Variants in VPS13D observed in about 807,000 individuals in gnomAD.
VPS13D encodes the protein vacuolar protein sorting 13 homolog D, also known as intermembrane lipid transfer protein VPS13D.
In VPS13D, 187 loss-of-function variants were observed where a neutral mutation model predicts 461.9. The observed-to-expected ratio is 0.40, with a 90% CI of 0.36 to 0.46. The LOEUF is 0.46. Ranked by LOEUF, VPS13D falls within the 20% of genes least tolerant of loss-of-function variation. The pLI, the probability that VPS13D is intolerant of heterozygous loss-of-function variation, is 0.60. For synonymous variants in VPS13D, 1,951 were observed against 1,986.3 expected, an observed-to-expected ratio of 0.98 and a Z score of 0.47; for missense variants, 4,711 against 5,364.9, an observed-to-expected ratio of 0.88 and a Z score of 3.81.
chr1:12,266,832 A>G (rs1557673912), intron 13 of VPS13D, 49 bp from the exon 14 acceptor site: 2 of 1,410,306 alleles, frequency 1.4e-6, no homozygotes, highest in East Asian at 2.5e-5. Context: ...TCAAAAACAC[A>G]TTAGGCTCTC....
At chr1:12,324,869 G>A (rs554315080) in intron 35 of VPS13D, among the ~76,000 whole-genome samples, 13 of 152,276 alleles carry the variant, frequency 8.5e-5, no homozygotes, top group African/African-American at 3.1e-4. Flanking sequence ...ATTCCCACTT[G>A]AAATGAGGAA....
In VPS13D at chr1:12,416,671, C is replaced by T. The variant is rs1419103600; in HGVS notation, c.12177C>T (p.Ser4059=). The T allele has an allele frequency of 6.2e-7, 1 of 1,613,294 alleles. No homozygotes were observed. The highest frequency in any genetic ancestry group is 1.3e-5 in the African/African-American group (1 of 74,882). ...GTTCCATTTGGCAGGAACTCCTCAG[C>T]CAGGCAGCTCGAATCCTGGGATCAG... ...ILKHFQEELL[S]QAARILGSVD... Residue 4059 remains serine, a synonymous_variant, in exon 65 of 70, where the codon AGC becomes AGT. Transcript: ENST00000620676.
intron 65 of VPS13D, among the ~76,000 whole-genome samples, chr1:12,439,111 A>G (rs1218285423): frequency 6.6e-6 from 1 of 152,098 alleles, no homozygotes; most frequent in Non-Finnish European, 1.5e-5. Flanking sequence ...AACATAACAG[A>G]TTTGGTCACC....
chr1:12,332,860 A>G (rs1643364698), intron 37 of VPS13D, among the ~76,000 whole-genome samples: 1 of 152,234 alleles, frequency 6.6e-6, no homozygotes. Flanking sequence ...TTTAATAGCT[A>G]TTTAAGACAC....
At chr1:12,484,849 A>G (rs971981957) in intron 67 of VPS13D, among the ~76,000 whole-genome samples, 24 of 151,586 alleles carry the variant, frequency 1.6e-4, no homozygotes, top group African/African-American at 5.3e-4. Context: ...TTTTTCTAAT[A>G]TGGAGCCTCA....
At chr1:12,354,895 A>T (rs959503547) in intron 47 of VPS13D, among the ~76,000 whole-genome samples, 1 of 152,234 alleles carries the variant, frequency 6.6e-6, no homozygotes, top group Non-Finnish European at 1.5e-5. Context: ...TAAAAGGAAA[A>T]GTTCAGCCAA....
intron 2 of VPS13D, among the ~76,000 whole-genome samples, chr1:12,241,423 G>T (rs531773356): frequency 6.6e-6 from 1 of 152,216 alleles, no homozygotes; most frequent in African/African-American, 2.4e-5. Flanking sequence ...ACAGATTTAG[G>T]TTGCTCAAAA....
Position 12,260,060 on chromosome 1 carries a change from C to G in VPS13D, c.1111-633C>G, listed in dbSNP as rs1002463469. Among the ~76,000 whole-genome samples, 7 of 114,168 alleles carry G rather than the reference C, an allele frequency of 6.1e-5. No individual in the cohort carries two copies. In the Admixed American group the frequency reaches 8.2e-4, roughly 13 times the overall value. 74.9% of individuals were successfully genotyped at this position (114,168 alleles called of 152,430 possible). On this transcript the variant is annotated intron_variant, in intron 10 of 69. Coordinates refer to ENST00000620676, the MANE Select transcript of VPS13D (RefSeq NM_015378.4). ...TTTTTTTTTGAGATGGAGTCTTGCT[C>G]TGTTGCCCAGGCTGGAGTGCAGTGG...
Position 12,363,136 on chromosome 1 carries a change from C to A in VPS13D, c.10337C>A (p.Pro3446His). Residue 3446 changes from proline (P) to histidine (H), a missense_variant, in exon 52 of 70, where the codon CCT (proline) becomes CAT (histidine). Transcript: ENST00000620676. ...LPGSSVVFHW[P>H]RNDYDQLLCV... Reference sequence around the variant, plus strand: ...GGTTCCAGTGTGGTGTTCCACTGGCCTCGGAATGACTATGATCAGCTATTG... The same window carrying A: ...GGTTCCAGTGTGGTGTTCCACTGGCATCGGAATGACTATGATCAGCTATTG... The A allele has an allele frequency of 6.2e-7, 1 of 1,614,170 alleles. No individual in the cohort carries two copies.
At chr1:12,237,900 A>G (rs929795742) in intron 2 of VPS13D, among the ~76,000 whole-genome samples, 16 of 152,134 alleles carry the variant, frequency 1.1e-4, no homozygotes, top group Non-Finnish European at 2.4e-4. Context: ...TTACGCCTGT[A>G]ATTCCAGCAC....
chr1:12,365,254 A>G (rs1172887905), intron 52 of VPS13D, among the ~76,000 whole-genome samples: 2 of 152,236 alleles, frequency 1.3e-5, no homozygotes, highest in Non-Finnish European at 2.9e-5. Context: ...CCTTAGATCC[A>G]TATGAATTTC....
At chr1:12,295,740 C>A (rs1642258713) in intron 24 of VPS13D, among the ~76,000 whole-genome samples, 1 of 152,078 alleles carries the variant, frequency 6.6e-6, no homozygotes, top group Non-Finnish European at 1.5e-5. Context: ...ATAAGATGAA[C>A]ATCTGTGAAC....
Position 12,242,152 on chromosome 1 carries a change from C to T in VPS13D, c.98-361C>T, listed in dbSNP as rs75490576. Among the ~76,000 whole-genome samples, 207 of 152,196 alleles carry T rather than the reference C, an allele frequency of 1.4e-3. 1 individual carries two copies. Among genetic ancestry groups the T allele is most frequent in the African/African-American group, 4.9e-3 (203 of 41,528 alleles). Reference sequence around the variant, plus strand: ...ATCTGTCCTGTTATGGAAAATGTAACTCTTGGTCTGAACTCTTCATCAGCG... The same window carrying T: ...ATCTGTCCTGTTATGGAAAATGTAATTCTTGGTCTGAACTCTTCATCAGCG... On this transcript the variant is annotated intron_variant, in intron 2 of 69. Transcript: ENST00000620676.
rs75326708 is a variant in VPS13D, at chr1:12,318,614, T to C, written c.7414+277T>C. On this transcript the variant is annotated intron_variant, in intron 31 of 69. Transcript: ENST00000620676. Reference sequence around the variant, plus strand: ...CCGCCTGGGCAGTGGTCTTTTTTTTTCCAGTGTACAGTCTGTCTGTAATTT... The same window carrying C: ...CCGCCTGGGCAGTGGTCTTTTTTTTCCCAGTGTACAGTCTGTCTGTAATTT... Among the ~76,000 whole-genome samples the C allele has an allele frequency of 5.4e-3, 820 of 152,262 alleles. 8 individuals are homozygous for C. The highest frequency in any genetic ancestry group is 0.018 in the African/African-American group (744 of 41,520).
At chr1:12,479,815 A>G (rs1467788142) in intron 67 of VPS13D, among the ~76,000 whole-genome samples, 4 of 152,216 alleles carry the variant, frequency 2.6e-5, no homozygotes, top group Non-Finnish European at 5.9e-5. Flanking sequence ...CCTATAGCCC[A>G]GAAGATTTGT....
intron 26 of VPS13D, among the ~76,000 whole-genome samples, chr1:12,308,172 A>G (rs1417159110): frequency 1.3e-5 from 2 of 152,068 alleles, no homozygotes; most frequent in African/African-American, 4.8e-5. Context: ...GACACCGTAG[A>G]ACTGTGACGC....
intron 67 of VPS13D, among the ~76,000 whole-genome samples, chr1:12,471,318 A>G (rs1179670368): frequency 1.3e-5 from 2 of 152,230 alleles, no homozygotes; most frequent in South Asian, 2.1e-4. Context: ...GAAGAAGAAC[A>G]GTGTTTAAAA....
chr1:12,340,268 T>C (rs1476624126), intron 40 of VPS13D, among the ~76,000 whole-genome samples: 2 of 152,194 alleles, frequency 1.3e-5, no homozygotes, highest in Admixed American at 1.3e-4. Context: ...AGATTATCTT[T>C]AGATGTATTT....
Position 12,276,777 on chromosome 1 carries a change from TACTAGTGTTTC to T in VPS13D, c.3193_3203del (p.Ser1065Ter). On this transcript the variant is annotated frameshift_variant, in exon 19 of 70. Coordinates refer to ENST00000620676, the MANE Select transcript of VPS13D (RefSeq NM_015378.4). LOFTEE classifies it high-confidence loss of function. The surrounding 1 kb of genome is among the most constrained non-coding windows in gnomAD (Gnocchi z 4.5). ...GAGCTACACTGAACGACCGATCAGC[TACTAGTGTTTC>T]ACTTGACAAAATTCTTACCAAAGAG... 2 of 1,614,228 alleles carry T rather than the reference TACTAGTGTTTC, an allele frequency of 1.2e-6. No individual in the cohort carries two copies. The highest frequency in any genetic ancestry group is 1.7e-6 in the Non-Finnish European group (2 of 1,180,042).
Sources: allele counts gnomAD v4.1 joint callset (sites outside exome capture counted in the v4.1 genomes callset), GRCh38; gene constraint gnomAD v4.1.1; non-coding constraint Gnocchi (gnomAD v3.1); transcripts MANE v1.5; gene names NCBI Gene and HGNC (gene_info 2026-07-23, HGNC 2026-07-21).